Variants in ACOT13 observed in about 807,000 individuals in gnomAD.
The protein encoded by ACOT13 is acyl-coenzyme A thioesterase 13.
In ACOT13, 10 loss-of-function variants were observed where a neutral mutation model predicts 11.8. The ratio of observed to expected loss-of-function variants is 0.85; its 90% CI spans 0.53 to 1.44. The LOEUF (loss-of-function observed/expected upper bound fraction) is 1.44. ACOT13 is among the 40% of genes most tolerant of loss of function. The probability of loss-of-function intolerance (pLI) is 0.00; values close to 1 mark genes in which losing one functional copy is unlikely to be tolerated. For missense variants in ACOT13, 172 were observed against 174.1 expected (o/e 0.99, Z 0.07); for synonymous variants, 53 against 61.0 (o/e 0.87, Z 0.61).
chr6:24,682,614 A>G (rs1778570710), intron 1 of ACOT13, among the ~76,000 whole-genome samples: 2 of 152,152 alleles, frequency 1.3e-5, no homozygotes, highest in Non-Finnish European at 2.9e-5. Context: ...TCGCTGGATC[A>G]GGAGCACAGC....
At chr6:24,673,025 C>T (rs1159851990) in intron 1 of ACOT13, among the ~76,000 whole-genome samples, 1 of 152,062 alleles carries the variant, frequency 6.6e-6, no homozygotes, top group African/African-American at 2.4e-5. Flanking sequence ...CCTTTTTAGA[C>T]CCAGGAGTCA....
Position 24,667,225 on chromosome 6 carries a change from G to A in ACOT13, c.-39G>A, listed in dbSNP as rs779136889. The stretch of plus-strand genomic sequence containing the variant: ...GGACTTTCCAGCTCTTCCGAAGTTC[G>A]TTCTTGCGCAAAGCCCAAAGGCTGG... On this transcript the variant is annotated 5_prime_UTR_variant, in exon 1 of 3. Coordinates refer to ENST00000230048, the MANE Select transcript of ACOT13 (RefSeq NM_018473.4). The A allele has an allele frequency of 5.6e-6, 9 of 1,602,896 alleles. No homozygotes were observed. In the Admixed American group the frequency reaches 1.3e-4, roughly 24 times the overall value.
chr6:24,687,626 C>T (rs1274020681), intron 1 of ACOT13: 2 of 1,501,470 alleles, frequency 1.3e-6, no homozygotes, highest in Non-Finnish European at 1.8e-6. Context: ...AGATTTAGGA[C>T]TGAACCTTAA....
intron 1 of ACOT13, among the ~76,000 whole-genome samples, chr6:24,676,311 T>A (rs539306681): frequency 0.05 from 7,546 of 151,760 alleles, 278 homozygotes; most frequent in African/African-American, 0.11. Context: ...ATAAATTACC[T>A]TGGGCAGTAT....
intron 1 of ACOT13, among the ~76,000 whole-genome samples, chr6:24,694,717 C>T (rs1778768283): frequency 6.6e-6 from 1 of 152,192 alleles, no homozygotes. Flanking sequence ...CCTTCATCAT[C>T]TTCCGTTGGT....
At chr6:24,700,453 T>A (rs150664783) in intron 2 of ACOT13, among the ~76,000 whole-genome samples, 15,842 of 116,834 alleles carry the variant, frequency 0.14, 1,111 homozygotes, top group South Asian at 0.28. Flanking sequence ...TTTTTTTTTG[T>A]GAGATGGAAT....
intron 1 of ACOT13, among the ~76,000 whole-genome samples, chr6:24,684,644 T>C (rs1020484925): frequency 2.0e-5 from 3 of 149,470 alleles, no homozygotes; most frequent in Admixed American, 6.7e-5. Context: ...TAGTTATAAA[T>C]TGTAAAATAG....
chr6:24,669,259 T>G (rs1488471488), intron 1 of ACOT13, among the ~76,000 whole-genome samples: 2 of 152,074 alleles, frequency 1.3e-5, no homozygotes, highest in Non-Finnish European at 2.9e-5. Context: ...AAGACATCAA[T>G]CAATATATGT....
Position 24,667,091 on chromosome 6 carries a change from G to A in ACOT13, c.-173G>A. On this transcript the variant is annotated 5_prime_UTR_variant, in exon 1 of 3. Coordinates refer to ENST00000230048, the MANE Select transcript of ACOT13 (RefSeq NM_018473.4). ...CGAGGAAAGTCAGTGAGCAAATCGC[G>A]GACCACCGGGGCTGCCAGCTCGCCT... is the stretch of plus-strand genomic sequence containing the variant. 3 of 843,570 alleles carry A rather than the reference G, an allele frequency of 3.6e-6. No individual in the cohort carries two copies. Among genetic ancestry groups the A allele is most frequent in the Admixed American group, 2.9e-5 (1 of 34,996 alleles). 52.3% of individuals were successfully genotyped at this position (843,570 alleles called of 1,614,324 possible).
chr6:24,688,797 C>T (rs1174694983), intron 1 of ACOT13, among the ~76,000 whole-genome samples: 5 of 152,100 alleles, frequency 3.3e-5, no homozygotes, highest in African/African-American at 9.7e-5. Context: ...TTCATCTGAA[C>T]TCATCTTTTT....
intron 1 of ACOT13, chr6:24,687,472 A>T (rs969409393): frequency 7.4e-7 from 1 of 1,346,786 alleles, no homozygotes; most frequent in African/African-American, 1.5e-5. Flanking sequence ...TAGAAATACC[A>T]TGTGGACTCC....
intron 1 of ACOT13, among the ~76,000 whole-genome samples, chr6:24,692,744 A>G (rs1778736823): frequency 6.6e-6 from 1 of 152,174 alleles, no homozygotes; most frequent in Non-Finnish European, 1.5e-5. Context: ...TTTAATCTTA[A>G]TTTTTACAAA....
intron 1 of ACOT13, among the ~76,000 whole-genome samples, chr6:24,696,477 A>G (rs1778795323): frequency 6.6e-6 from 1 of 152,230 alleles, no homozygotes; most frequent in East Asian, 1.9e-4. Context: ...TGCCTAGCAT[A>G]TCAAAGTGCC....
intron 2 of ACOT13, among the ~76,000 whole-genome samples, chr6:24,699,936 C>T (rs1778865995): frequency 6.6e-6 from 1 of 152,182 alleles, no homozygotes; most frequent in Non-Finnish European, 1.5e-5. Context: ...AAAACTGATT[C>T]ACTTCAACAA....
Position 24,701,547 on chromosome 6 carries a change from G to A in ACOT13, c.355G>A (p.Asp119Asn). 1 of 1,613,900 alleles carries A rather than the reference G, an allele frequency of 6.2e-7. No individual in the cohort carries two copies. Among genetic ancestry groups the A allele is most frequent in the Middle Eastern group, 1.6e-4 (1 of 6,062 alleles). Residue 119 changes from aspartate (D) to asparagine (N), a missense_variant, in exon 3 of 3, where the codon GAT becomes AAT. Physicochemically the swap from Asp to Asn is conservative, Grantham distance 23. Coordinates refer to ENST00000230048, the MANE Select transcript of ACOT13 (RefSeq NM_018473.4). ...QGKTLAFTSV[D>N]LTNKATGKLI... ...AAAAACACTTGCATTTACCTCTGTGGATCTGACCAACAAGGCCACAGGAAA... is the reference window on the plus strand; with the variant it reads ...AAAAACACTTGCATTTACCTCTGTGAATCTGACCAACAAGGCCACAGGAAA...
Position 24,703,201 on chromosome 6 carries a change from A to C in ACOT13, c.*1586A>C, listed in dbSNP as rs1778925431. ...GACTCTTACTTGATTTCTGTCAGGGAATCTTAATGAACATTTCATGACTAA... is the reference window on the plus strand; with the variant it reads ...GACTCTTACTTGATTTCTGTCAGGGCATCTTAATGAACATTTCATGACTAA... On this transcript the variant is annotated 3_prime_UTR_variant, in exon 3 of 3. Coordinates refer to ENST00000230048, the MANE Select transcript of ACOT13 (RefSeq NM_018473.4). The C allele has an allele frequency of 6.6e-6, 1 of 152,238 alleles. No homozygotes were observed. The highest frequency in any genetic ancestry group is 1.9e-4 in the East Asian group (1 of 5,208). 9.4% of individuals were successfully genotyped at this position (152,238 alleles called of 1,614,324 possible).
At chr6:24,684,927 C>T (rs1198100110) in intron 1 of ACOT13, among the ~76,000 whole-genome samples, 1 of 152,046 alleles carries the variant, frequency 6.6e-6, no homozygotes, top group African/African-American at 2.4e-5. Context: ...CAAGAGGATC[C>T]CTTGAGCCCA....
At chr6:24,683,309 A>G (rs1251479342) in intron 1 of ACOT13, among the ~76,000 whole-genome samples, 4 of 152,200 alleles carry the variant, frequency 2.6e-5, no homozygotes, top group Non-Finnish European at 5.9e-5. Flanking sequence ...AGGCCAAGGC[A>G]GGCAGATCAT....
At chr6:24,692,093 C>T (rs2127626925) in intron 1 of ACOT13, among the ~76,000 whole-genome samples, 1 of 152,184 alleles carries the variant, frequency 6.6e-6, no homozygotes, top group Admixed American at 6.5e-5. Flanking sequence ...CTGAGTGAGT[C>T]CAGTATCAAG....
Sources: allele counts gnomAD v4.1 joint callset (sites outside exome capture counted in the v4.1 genomes callset), GRCh38; gene constraint gnomAD v4.1.1; transcripts MANE v1.5; gene names NCBI Gene and HGNC (gene_info 2026-07-23, HGNC 2026-07-21).